Variants in TAOK3 observed in about 807,000 individuals in gnomAD.
TAOK3 encodes the protein TAO kinase 3.
TAOK3 carries 40 observed loss-of-function variants against 120.4 expected under a neutral mutation model. That is an observed-to-expected ratio of 0.33 (90% CI 0.26 to 0.43). The LOEUF (loss-of-function observed/expected upper bound fraction) is 0.43, where lower values mean the gene tolerates loss of function less well. Among genes scored for constraint, TAOK3 ranks in the 20% least tolerant of loss-of-function variants. The pLI, the probability that TAOK3 is intolerant of heterozygous loss-of-function variation, is 1.00. For synonymous variants in TAOK3, 355 were observed against 387.5 expected (o/e 0.92, Z 0.99); for missense variants, 821 against 1,112.1 (o/e 0.74, Z 3.72).
At chr12:118,330,833 T>C (rs562001362) in intron 1 of TAOK3, among the ~76,000 whole-genome samples, 140 of 151,298 alleles carry the variant, frequency 9.3e-4, no homozygotes, top group African/African-American at 3.3e-3. Context: ...TGAACGATGA[T>C]CCTTTGGTTT....
intron 1 of TAOK3, among the ~76,000 whole-genome samples, chr12:118,274,004 G>C (rs1848464370): frequency 6.6e-6 from 1 of 152,082 alleles, no homozygotes. Flanking sequence ...GAAAAATGAA[G>C]TATAAATATA....
intron 14 of TAOK3, among the ~76,000 whole-genome samples, chr12:118,187,516 T>C (rs1166874589): frequency 4.6e-5 from 7 of 152,164 alleles, no homozygotes; most frequent in Non-Finnish European, 8.8e-5. Flanking sequence ...CTTGGTAATA[T>C]ACATTAAAAA....
intron 2 of TAOK3, among the ~76,000 whole-genome samples, chr12:118,262,843 A>G (rs2041291817): frequency 1.3e-5 from 2 of 151,444 alleles, no homozygotes; most frequent in South Asian, 2.1e-4. Context: ...AAAAAAAAAA[A>G]GCGAAATACT....
In TAOK3 at chr12:118,299,541, G is replaced by A. The variant is rs1255718094; in HGVS notation, c.-193-32782C>T. ...TATTTATTTTTTAAGACAGAGTCTC[G>A]CTTTGTCACCCAGGATGGAGTGCAG... On this transcript the variant is annotated intron_variant, in intron 1 of 20. Transcript: ENST00000392533. Among the ~76,000 whole-genome samples, 3 of 151,970 alleles carry A rather than the reference G, an allele frequency of 2.0e-5. No homozygotes were observed. The South Asian group carries it at 6.2e-4, about 32-fold the overall frequency.
At chr12:118,328,790 T>C (rs964860456) in intron 1 of TAOK3, among the ~76,000 whole-genome samples, 8 of 152,220 alleles carry the variant, frequency 5.3e-5, no homozygotes, top group Non-Finnish European at 8.8e-5. Context: ...TATAAAGAAG[T>C]GCAGTGTTAA....
intron 11 of TAOK3, among the ~76,000 whole-genome samples, chr12:118,201,909 C>T (rs2038042981): frequency 6.6e-6 from 1 of 152,092 alleles, no homozygotes; most frequent in East Asian, 1.9e-4. Flanking sequence ...TGGATCTCTA[C>T]ACTTATTTAT....
intron 1 of TAOK3, among the ~76,000 whole-genome samples, chr12:118,267,415 A>T (rs1310401319): frequency 6.6e-6 from 1 of 150,768 alleles, no homozygotes; most frequent in East Asian, 2.0e-4. Flanking sequence ...GGGTTTCACC[A>T]TGTTGGCCAG....
chr12:118,308,172 T>C (rs1201814148), intron 1 of TAOK3, among the ~76,000 whole-genome samples: 1 of 152,054 alleles, frequency 6.6e-6, no homozygotes, highest in Admixed American at 6.6e-5. Context: ...TGACCTCTGG[T>C]CGTCCTCACT....
intron 1 of TAOK3, among the ~76,000 whole-genome samples, chr12:118,363,018 C>CAAAAAAAAAAAAAAAAAAAAAAA (rs60475060): frequency 4.4e-5 from 2 of 45,862 alleles, no homozygotes; most frequent in Non-Finnish European, 7.7e-5. Flanking sequence ...GACTCCGTAT[C>CAAAAAAAAAAAAAAAAAAAAAAA]AAAAAAAAAA....
chr12:118,218,722 G>T (rs2039067337), intron 9 of TAOK3, among the ~76,000 whole-genome samples: 1 of 151,966 alleles, frequency 6.6e-6, no homozygotes, highest in African/African-American at 2.4e-5. Flanking sequence ...GGAACCCACA[G>T]ATTTGGAGGA....
intron 1 of TAOK3, among the ~76,000 whole-genome samples, chr12:118,285,467 C>G (rs1323887235): frequency 1.3e-5 from 2 of 152,262 alleles, no homozygotes; most frequent in East Asian, 3.9e-4. Flanking sequence ...ATTCTCCTGC[C>G]TCAGCCTCCC....
intron 16 of TAOK3, among the ~76,000 whole-genome samples, chr12:118,174,363 A>T (rs1340630279): frequency 6.6e-6 from 1 of 151,906 alleles, no homozygotes; most frequent in African/African-American, 2.4e-5. Flanking sequence ...GGTTATCTCA[A>T]ATTGGCTTCT....
At chr12:118,177,616 G>A (rs1008438174) in intron 15 of TAOK3, among the ~76,000 whole-genome samples, 17 of 152,018 alleles carry the variant, frequency 1.1e-4, no homozygotes, top group African/African-American at 4.1e-4. Context: ...CTGAGGTCGG[G>A]AGTTTGAGAC....
chr12:118,173,811 G>A (rs1040413203), intron 16 of TAOK3, among the ~76,000 whole-genome samples: 3 of 151,768 alleles, frequency 2.0e-5, no homozygotes, highest in Admixed American at 2.0e-4. Context: ...CATTTGGTTA[G>A]CTACTCACTC....
At chr12:118,279,923 G>A (rs1399272273) in intron 1 of TAOK3, among the ~76,000 whole-genome samples, 15 of 151,132 alleles carry the variant, frequency 9.9e-5, no homozygotes, top group Admixed American at 6.6e-4. Context: ...CCGCCACCAC[G>A]TCCAGCTAAT....
chr12:118,224,509 G>A, intron 9 of TAOK3, among the ~76,000 whole-genome samples: 1 of 152,192 alleles, frequency 6.6e-6, no homozygotes, highest in Non-Finnish European at 1.5e-5. Flanking sequence ...CTATTTGCCA[G>A]TTTCTACCAT....
chr12:118,172,720 T>C (rs2036080542), intron 16 of TAOK3, 60 bp from the exon 17 acceptor site: 1 of 1,397,152 alleles, frequency 7.2e-7, no homozygotes, highest in Non-Finnish European at 1.0e-6. Flanking sequence ...TGTAACAGCT[T>C]ATTGCAACTG....
chr12:118,255,857 C>T (rs377304565), intron 2 of TAOK3: 17 of 216,832 alleles, frequency 7.8e-5, no homozygotes, highest in Admixed American at 5.8e-4. Flanking sequence ...CTGAGGCGGG[C>T]GGATCACCTG....
At chr12:118,226,143 AGGCGGGCAG>A (rs2039494022) in intron 9 of TAOK3, among the ~76,000 whole-genome samples, 1 of 152,230 alleles carries the variant, frequency 6.6e-6, no homozygotes, top group South Asian at 2.1e-4. Flanking sequence ...TGGGAGGCCG[AGGCGGGCAG>A]ATCACAAGGT....
Sources: allele counts gnomAD v4.1 joint callset (sites outside exome capture counted in the v4.1 genomes callset), GRCh38; gene constraint gnomAD v4.1.1; transcripts MANE v1.5; gene names NCBI Gene and HGNC (gene_info 2026-07-23, HGNC 2026-07-21).